PRR11: variants seen among roughly 807,000 people sequenced by gnomAD.
The protein encoded by PRR11 is proline-rich protein 11.
A neutral mutation model predicts 45.6 loss-of-function variants in PRR11; 30 were observed. That is an observed-to-expected ratio of 0.66 (90% CI 0.49 to 0.89). The LOEUF is 0.89. Ranked by LOEUF, PRR11 falls within the 40% of genes least tolerant of loss-of-function variation. PRR11 has a pLI of 0.00. For synonymous variants in PRR11, 128 were observed against 153.5 expected, an observed-to-expected ratio of 0.83 and a Z score of 1.23; for missense variants, 373 against 424.8, an observed-to-expected ratio of 0.88 and a Z score of 1.07.
Position 59,163,183 on chromosome 17 carries a change from C to T in PRR11, c.-5-6565C>T, listed in dbSNP as rs370905974. ...TCGGCTCACTGCAACCTCTGCCTCC[C>T]GGGTTCAAGAGATTCTCCTGCCTCA... is the stretch of plus-strand genomic sequence containing the variant. On this transcript the variant is annotated intron_variant, in intron 1 of 9. Coordinates refer to ENST00000262293, the MANE Select transcript of PRR11 (RefSeq NM_018304.4). Among the ~76,000 whole-genome samples, 63 of 152,090 alleles carry T rather than the reference C, an allele frequency of 4.1e-4. 4 individuals are homozygous for T. Among genetic ancestry groups the T allele is most frequent in the East Asian group, 2.9e-3 (15 of 5,158 alleles).
chr17:59,167,727 C>T (rs1298307373), intron 1 of PRR11, among the ~76,000 whole-genome samples: 1 of 152,116 alleles, frequency 6.6e-6, no homozygotes, highest in Non-Finnish European at 1.5e-5. Flanking sequence ...CAGACATTAC[C>T]ATGGCATTTG....
At chr17:59,195,499 T>A in intron 7 of PRR11, 56 bp downstream of exon 7, 1 of 1,174,016 alleles carries the variant, frequency 8.5e-7, no homozygotes, top group Non-Finnish European at 1.2e-6. Flanking sequence ...GATATTGTTG[T>A]ACAAAGGCCT....
At chr17:59,176,989 G>A (rs1469750851) in intron 2 of PRR11, among the ~76,000 whole-genome samples, 4 of 152,162 alleles carry the variant, frequency 2.6e-5, no homozygotes, top group Non-Finnish European at 5.9e-5. Flanking sequence ...GAGCCACCGC[G>A]CCCAGCCTGA....
At chr17:59,194,145 A>C (rs757595537) in intron 5 of PRR11, among the ~76,000 whole-genome samples, 23 of 152,134 alleles carry the variant, frequency 1.5e-4, no homozygotes, top group Admixed American at 5.2e-4. Context: ...TTATTTACCA[A>C]GGGGACCAGA....
At chr17:59,165,426 T>A (rs563970432) in intron 1 of PRR11, among the ~76,000 whole-genome samples, 1 of 151,624 alleles carries the variant, frequency 6.6e-6, no homozygotes, top group East Asian at 2.0e-4. Context: ...AGCCTCAAAC[T>A]CCTAGGCTCA....
At chr17:59,193,883 T>C (rs1029505990) in intron 5 of PRR11, 149 bp downstream of exon 5, 19 of 1,002,920 alleles carry the variant, frequency 1.9e-5, no homozygotes, top group Non-Finnish European at 2.6e-5. Flanking sequence ...TTAATTATTG[T>C]GTTTTTAAAA....
intron 2 of PRR11, chr17:59,181,662 C>A (rs991338380): frequency 2.0e-6 from 3 of 1,533,054 alleles, no homozygotes; most frequent in Middle Eastern, 2.4e-4. Flanking sequence ...GCGCCTCCTC[C>A]GATGACTCCT....
At chr17:59,192,659 G>A (rs1046757040) in intron 4 of PRR11, among the ~76,000 whole-genome samples, 2 of 152,010 alleles carry the variant, frequency 1.3e-5, no homozygotes. Flanking sequence ...ATATCTCTCT[G>A]CATGTCCAAT....
chr17:59,190,806 T>G (rs2046837195), intron 4 of PRR11, among the ~76,000 whole-genome samples: 1 of 152,240 alleles, frequency 6.6e-6, no homozygotes, highest in Non-Finnish European at 1.5e-5. Context: ...CAGAACCATC[T>G]CAGCCAAGAG....
intron 4 of PRR11, among the ~76,000 whole-genome samples, chr17:59,193,192 T>C (rs141570342): frequency 6.6e-6 from 1 of 152,334 alleles, no homozygotes; most frequent in East Asian, 1.9e-4. Flanking sequence ...ATTACAGGTG[T>C]GCACCACCAT....
rs963397283 is a variant in PRR11, at chr17:59,201,921, A to C, written c.*290A>C. The stretch of plus-strand genomic sequence containing the variant: ...AAGAGGCAGAGGTTGCAGTGAGCCA[A>C]GATCGCGTCATTGCACTCCAGCCTG... On this transcript the variant is annotated 3_prime_UTR_variant, in exon 10 of 10. Coordinates refer to ENST00000262293, the MANE Select transcript of PRR11 (RefSeq NM_018304.4). 2 of 330,950 alleles carry C rather than the reference A, an allele frequency of 6.0e-6. No homozygotes were observed. The highest frequency in any genetic ancestry group is 1.2e-5 in the Non-Finnish European group (2 of 172,754). 20.5% of individuals were successfully genotyped at this position (330,950 alleles called of 1,614,324 possible). A position where few individuals can be genotyped will look rare whatever the true frequency, so the allele number is the denominator to read the frequency against.
In PRR11 at chr17:59,205,697, CA is replaced by C. The variant is rs1057003239; in HGVS notation, c.*4081del. Among the ~76,000 whole-genome samples, 1,253 of 115,100 alleles carry C rather than the reference CA, an allele frequency of 0.011. 9 individuals are homozygous for C. The highest frequency in any genetic ancestry group is 0.023 in the African/African-American group (738 of 31,934). The allele number at this position is 115,100 out of a possible 152,430, so 75.5% of individuals were successfully genotyped here. A position where few individuals can be genotyped will look rare whatever the true frequency, so the allele number is the denominator to read the frequency against. ...TTGAGCAACAAGAGCGAAACTGTCT[CA>C]AAAAAAAAAAAAAAGTATATGTTAA... On this transcript the variant is annotated 3_prime_UTR_variant, in exon 10 of 10. Coordinates refer to ENST00000262293, the MANE Select transcript of PRR11 (RefSeq NM_018304.4).
chr17:59,185,049 T>A lies in PRR11; in HGVS notation c.129-5T>A. ...TTTATTTGTTTCATTTTGTTTTTCCTACAGAGTCGGTATTTCTTCAATAGA... is the reference window on the plus strand; with the variant it reads ...TTTATTTGTTTCATTTTGTTTTTCCAACAGAGTCGGTATTTCTTCAATAGA... On this transcript the variant is annotated splice_polypyrimidine_tract_variant and splice_region_variant and intron_variant, in intron 2 of 9. Coordinates refer to ENST00000262293, the MANE Select transcript of PRR11 (RefSeq NM_018304.4). 1 of 1,612,220 alleles carries A rather than the reference T, an allele frequency of 6.2e-7. No individual in the cohort carries two copies. Among genetic ancestry groups the A allele is most frequent in the South Asian group, 1.1e-5 (1 of 91,012 alleles).
At chr17:59,190,070 C>T (rs568827610) in intron 4 of PRR11, among the ~76,000 whole-genome samples, 1 of 152,274 alleles carries the variant, frequency 6.6e-6, no homozygotes, top group South Asian at 2.1e-4. Flanking sequence ...CTCTCCTTCA[C>T]CTCTAGTGTA....
chr17:59,175,123 G>T, intron 2 of PRR11: 1 of 560,218 alleles, frequency 1.8e-6, no homozygotes. Context: ...TCATTGGCCA[G>T]GTAGCTGGGG....
chr17:59,200,208 C>T (rs1164072810), intron 9 of PRR11, among the ~76,000 whole-genome samples: 7 of 152,190 alleles, frequency 4.6e-5, no homozygotes, highest in Non-Finnish European at 1.0e-4. Flanking sequence ...CCCACCCAAC[C>T]CTTAGGCTTC....
intron 9 of PRR11, 108 bp downstream of exon 9, chr17:59,197,897 A>T: frequency 1.1e-6 from 1 of 943,628 alleles, no homozygotes; most frequent in East Asian, 2.5e-5. Flanking sequence ...AGGTGGGGAG[A>T]TTGCTTGAGC....
At chr17:59,181,018 C>G (rs2046782514) in intron 2 of PRR11, among the ~76,000 whole-genome samples, 1 of 151,340 alleles carries the variant, frequency 6.6e-6, no homozygotes, top group African/African-American at 2.4e-5. Context: ...GAGACAGAGT[C>G]TCTCTCTGTC....
chr17:59,187,936 A>T (rs546478634), intron 4 of PRR11, among the ~76,000 whole-genome samples: 1 of 152,222 alleles, frequency 6.6e-6, no homozygotes, highest in African/African-American at 2.4e-5. Flanking sequence ...ATTTGCATAA[A>T]CAAAATGTCT....
Sources: allele counts gnomAD v4.1 joint callset (sites outside exome capture counted in the v4.1 genomes callset), GRCh38; gene constraint gnomAD v4.1.1; transcripts MANE v1.5; gene names NCBI Gene and HGNC (gene_info 2026-07-23, HGNC 2026-07-21).